FAM13A: variants seen among roughly 807,000 people sequenced by gnomAD.
The protein encoded by FAM13A is family with sequence similarity 13 member A, also known as protein FAM13A.
Under a neutral mutation model 129.6 loss-of-function variants are expected in FAM13A, and 76 were observed. That is an observed-to-expected ratio of 0.59 (90% confidence interval 0.49 to 0.71). FAM13A has a LOEUF of 0.71. FAM13A is among the 30% of genes least tolerant of loss of function. FAM13A has a pLI of 0.00. For synonymous variants in FAM13A, 443 were observed against 449.9 expected (o/e 0.98, Z 0.20); for missense variants, 1,108 against 1,249.3 (o/e 0.89, Z 1.70).
chr4:88,850,714 T>G (rs1320328276), intron 7 of FAM13A, among the ~76,000 whole-genome samples: 1 of 152,226 alleles, frequency 6.6e-6, no homozygotes, highest in Non-Finnish European at 1.5e-5. Flanking sequence ...TGCAGATATT[T>G]TCTACTGAAC....
chr4:88,948,717 G>A (rs990900479), intron 4 of FAM13A, among the ~76,000 whole-genome samples: 4 of 152,106 alleles, frequency 2.6e-5, no homozygotes, highest in Non-Finnish European at 2.9e-5. Flanking sequence ...TCGAACTCCC[G>A]ACCTCAGATG....
At chr4:88,731,531 G>T in intron 22 of FAM13A, 103 bp from the exon 23 acceptor site, 1 of 650,658 alleles carries the variant, frequency 1.5e-6, no homozygotes, top group Non-Finnish European at 2.6e-6. Context: ...GGGGAGGCAA[G>T]TAAATGCAGA....
At chr4:88,731,675 C>T (rs1737828056) in intron 22 of FAM13A, 2 of 528,416 alleles carry the variant, frequency 3.8e-6, no homozygotes, top group Non-Finnish European at 3.3e-6. Flanking sequence ...AATCCCATGG[C>T]ACTTTGTCAT....
intron 7 of FAM13A, among the ~76,000 whole-genome samples, chr4:88,844,486 A>G (rs1203813440): frequency 6.6e-6 from 1 of 152,224 alleles, no homozygotes; most frequent in Non-Finnish European, 1.5e-5. Flanking sequence ...GAAGTGTGAT[A>G]TAGCCAAAAA....
At chr4:88,880,213 T>C (rs536390399) in intron 6 of FAM13A, among the ~76,000 whole-genome samples, 1 of 151,904 alleles carries the variant, frequency 6.6e-6, no homozygotes, top group South Asian at 2.1e-4. Flanking sequence ...TTGAAGGAAG[T>C]GGATTGCTGC....
intron 4 of FAM13A, among the ~76,000 whole-genome samples, chr4:88,946,504 G>A (rs374930982): frequency 6.7e-6 from 1 of 148,852 alleles, no homozygotes; most frequent in African/African-American, 2.5e-5. Flanking sequence ...ACATTCCTGG[G>A]ATGCCAGATG....
At chr4:88,839,273 C>T (rs977747712) in intron 7 of FAM13A, among the ~76,000 whole-genome samples, 1 of 152,086 alleles carries the variant, frequency 6.6e-6, no homozygotes, top group Non-Finnish European at 1.5e-5. Flanking sequence ...ATAGATCTAA[C>T]AGCAATTATT....
intron 7 of FAM13A, among the ~76,000 whole-genome samples, chr4:88,835,188 C>A (rs28507656): frequency 6.6e-6 from 1 of 152,132 alleles, no homozygotes; most frequent in South Asian, 2.1e-4. Flanking sequence ...CCACTTTGCC[C>A]CCTATCGTGC....
At chr4:89,017,387 T>C (rs941886632) in intron 3 of FAM13A, among the ~76,000 whole-genome samples, 10 of 152,134 alleles carry the variant, frequency 6.6e-5, no homozygotes, top group South Asian at 2.1e-4. Context: ...ATGACACCTA[T>C]CAACTTTCTG....
chr4:89,017,705 C>G (rs1766681420), intron 3 of FAM13A, among the ~76,000 whole-genome samples: 1 of 152,112 alleles, frequency 6.6e-6, no homozygotes, highest in South Asian at 2.1e-4. Flanking sequence ...ATTTTCCAAA[C>G]TTTATCTCAA....
At chr4:88,792,645 C>T (rs1725411478) in intron 8 of FAM13A, among the ~76,000 whole-genome samples, 1 of 151,992 alleles carries the variant, frequency 6.6e-6, no homozygotes. Context: ...GTTTTGAGAG[C>T]AGGGACCCAT....
chr4:88,936,779 G>C (rs1753919683), intron 5 of FAM13A: 1 of 151,996 alleles, frequency 6.6e-6, no homozygotes, highest in Non-Finnish European at 1.5e-5. Flanking sequence ...GTTAAAAATT[G>C]TTTATAAAAG....
At chr4:88,783,466 T>C (rs927253982) in intron 10 of FAM13A, among the ~76,000 whole-genome samples, 3 of 151,972 alleles carry the variant, frequency 2.0e-5, no homozygotes, top group Admixed American at 1.3e-4. Context: ...CACTGGCTAA[T>C]TTTTGTATTT....
At chr4:89,026,281 CA>C (rs956090448) in intron 2 of FAM13A, among the ~76,000 whole-genome samples, 44 of 152,172 alleles carry the variant, frequency 2.9e-4, no homozygotes, top group African/African-American at 9.4e-4. Flanking sequence ...GCCAAACTTC[CA>C]TCTTCCTGTC....
intron 9 of FAM13A, among the ~76,000 whole-genome samples, 159 bp from the exon 10 acceptor site, chr4:88,788,091 A>C (rs547954499): frequency 2.0e-5 from 3 of 152,204 alleles, no homozygotes; most frequent in African/African-American, 7.2e-5. Context: ...TCTAAAAAAT[A>C]TCTGCATTAT....
chr4:88,852,444 G>C (rs1360475262), intron 6 of FAM13A, among the ~76,000 whole-genome samples: 2 of 152,144 alleles, frequency 1.3e-5, no homozygotes, highest in African/African-American at 4.8e-5. Context: ...TTACAGGCTT[G>C]AGCCACGGCG....
At chr4:88,780,796 T>C (rs1722688413) in intron 11 of FAM13A, among the ~76,000 whole-genome samples, 1 of 152,100 alleles carries the variant, frequency 6.6e-6, no homozygotes, top group African/African-American at 2.4e-5. Context: ...TGCTTTAAGT[T>C]CATTCATTAA....
intron 10 of FAM13A, among the ~76,000 whole-genome samples, chr4:88,787,307 T>G (rs898775434): frequency 7.9e-5 from 12 of 152,088 alleles, no homozygotes; most frequent in Admixed American, 3.3e-4. Context: ...AATGTCAGAG[T>G]ATTATAGGGA....
intron 3 of FAM13A, among the ~76,000 whole-genome samples, chr4:89,011,105 C>A (rs1378176351): frequency 6.6e-6 from 1 of 152,116 alleles, no homozygotes; most frequent in Non-Finnish European, 1.5e-5. Flanking sequence ...ATCTCGGCCT[C>A]CCAAAATGCT....
Sources: gnomAD v4.1 joint callset for allele counts (sites outside exome capture counted in the v4.1 genomes callset) on GRCh38, gnomAD v4.1.1 for gene constraint, MANE v1.5 for transcripts, NCBI Gene and HGNC (gene_info 2026-07-23, HGNC 2026-07-21) for gene names.